Variants in APBA1 observed in about 807,000 individuals in gnomAD.
The protein encoded by APBA1 is amyloid beta precursor protein binding family A member 1.
APBA1 carries 55 observed loss-of-function variants against 86.6 expected under a neutral mutation model. The observed-to-expected ratio is 0.64, with a 90% CI of 0.51 to 0.80. APBA1 has a LOEUF of 0.80. Among genes scored for constraint, APBA1 ranks in the 30% least tolerant of loss-of-function variants. The pLI is 0.00. For synonymous variants in APBA1, 511 were observed against 493.9 expected (o/e 1.03, Z -0.46); for missense variants, 1,090 against 1,183.0 (o/e 0.92, Z 1.15).
chr9:69,488,884 C>T (rs1182655791), intron 2 of APBA1, among the ~76,000 whole-genome samples: 5 of 152,058 alleles, frequency 3.3e-5, no homozygotes, highest in Non-Finnish European at 5.9e-5. Flanking sequence ...TTCACAATTG[C>T]TTCAAAGAGA....
chr9:69,532,916 T>C (rs938076496), intron 1 of APBA1, among the ~76,000 whole-genome samples: 1 of 152,202 alleles, frequency 6.6e-6, no homozygotes, highest in Non-Finnish European at 1.5e-5. Context: ...ACGTATATAC[T>C]CATACTTCAT....
chr9:69,663,269 G>A (rs942378799), intron 1 of APBA1, among the ~76,000 whole-genome samples: 1 of 152,230 alleles, frequency 6.6e-6, no homozygotes, highest in Non-Finnish European at 1.5e-5. Context: ...GTGTGTATAT[G>A]TGTTTACACA....
chr9:69,485,425 G>GA (rs1219920745), intron 2 of APBA1, among the ~76,000 whole-genome samples: 2 of 152,088 alleles, frequency 1.3e-5, no homozygotes, highest in Admixed American at 6.5e-5. Context: ...GAAAAAAACA[G>GA]AAATTACATA....
At chr9:69,575,080 C>G (rs932852175) in intron 1 of APBA1, among the ~76,000 whole-genome samples, 1 of 152,010 alleles carries the variant, frequency 6.6e-6, no homozygotes, top group African/African-American at 2.4e-5. Context: ...CCTCTCCTGG[C>G]TAATTTTTGT....
At chr9:69,608,888 C>T (rs906561322) in intron 1 of APBA1, among the ~76,000 whole-genome samples, 1 of 152,258 alleles carries the variant, frequency 6.6e-6, no homozygotes, top group East Asian at 1.9e-4. Flanking sequence ...GTCTTGTTAG[C>T]TTTAATATTT....
chr9:69,491,082 T>G (rs1168100493), intron 2 of APBA1, among the ~76,000 whole-genome samples: 1 of 152,150 alleles, frequency 6.6e-6, no homozygotes, highest in African/African-American at 2.4e-5. Flanking sequence ...AAATACCATT[T>G]GACCCAGCCA....
intron 8 of APBA1, among the ~76,000 whole-genome samples, chr9:69,455,425 G>A (rs371841999): frequency 2.6e-5 from 4 of 152,128 alleles, no homozygotes; most frequent in African/African-American, 9.7e-5. Context: ...GAGCAGCTTA[G>A]TTCAGGCTGC....
chr9:69,553,271 G>A (rs779418561), intron 1 of APBA1, among the ~76,000 whole-genome samples: 1 of 152,146 alleles, frequency 6.6e-6, no homozygotes, highest in Non-Finnish European at 1.5e-5. Flanking sequence ...TTTGATGAAT[G>A]TGTGTATGTG....
chr9:69,570,671 C>A (rs1054608621), intron 1 of APBA1, among the ~76,000 whole-genome samples: 2 of 152,090 alleles, frequency 1.3e-5, no homozygotes, highest in African/African-American at 2.4e-5. Context: ...GAGAGAATAG[C>A]CCCCTTTGTC....
At position 69,441,002 on chromosome 9, in the gene APBA1, A is replaced by G. The variant is rs778495671; in HGVS notation, c.2295T>C (p.Asn765=). ...TGGAAGGTGTTCTACTTACAATTCCATTCTGGACGCTGAAACCGAGCTGGT... is the reference window on the plus strand; with the variant it reads ...TGGAAGGTGTTCTACTTACAATTCCGTTCTGGACGCTGAAACCGAGCTGGT... The part of the protein sequence containing the change: ...LRYQLGFSVQ[N]GIICSLMRGG... The change falls in exon 11 of 13, where the codon AAT becomes AAC. Residue 765 remains asparagine, a synonymous_variant. Transcript: ENST00000265381. 1 of 1,613,776 alleles carries G rather than the reference A, an allele frequency of 6.2e-7. No individual in the cohort carries two copies. Among genetic ancestry groups the G allele is most frequent in the African/African-American group, 1.3e-5 (1 of 75,024 alleles).
intron 1 of APBA1, among the ~76,000 whole-genome samples, chr9:69,663,876 C>T (rs1823799078): frequency 1.3e-5 from 2 of 152,074 alleles, no homozygotes; most frequent in East Asian, 3.8e-4. Context: ...GAGAAAGTTG[C>T]CTTATGTATA....
chr9:69,562,372 T>C (rs535259041), intron 1 of APBA1, among the ~76,000 whole-genome samples: 4 of 149,812 alleles, frequency 2.7e-5, no homozygotes, highest in African/African-American at 1.0e-4. Context: ...TTTTCTTTCT[T>C]TTCTTTTCTT....
chr9:69,567,941 G>C lies in APBA1; in HGVS notation c.-69-50662C>G, dbSNP rs564183633. On this transcript the variant is annotated intron_variant, in intron 1 of 12. Transcript: ENST00000265381. ...AAATGATGAAAACTCTTGGGCTTGT[G>C]TTGAGAATCCCAGGAATGTTCCAGA... Among the ~76,000 whole-genome samples, 11 of 152,276 alleles carry C rather than the reference G, an allele frequency of 7.2e-5. No homozygotes were observed. The South Asian group carries it at 1.7e-3, about 23-fold the overall frequency.
At chr9:69,548,551 C>T (rs1418446027) in intron 1 of APBA1, among the ~76,000 whole-genome samples, 1 of 152,230 alleles carries the variant, frequency 6.6e-6, no homozygotes, top group Admixed American at 6.5e-5. Context: ...GAAATGTCTC[C>T]TTACCTGCAC....
At chr9:69,636,417 A>T (rs546141273) in intron 1 of APBA1, among the ~76,000 whole-genome samples, 4 of 152,326 alleles carry the variant, frequency 2.6e-5, no homozygotes, top group South Asian at 4.1e-4. Flanking sequence ...CAAAAAGGAA[A>T]TTGGCATATC....
chr9:69,628,581 T>C (rs142512974), intron 1 of APBA1, among the ~76,000 whole-genome samples: 58 of 152,306 alleles, frequency 3.8e-4, no homozygotes, highest in Middle Eastern at 3.4e-3. Flanking sequence ...CTGAGTGCCA[T>C]GGCAACCATT....
intron 4 of APBA1, among the ~76,000 whole-genome samples, chr9:69,468,870 C>CT (rs5898082): frequency 0.54 from 79,498 of 147,180 alleles, 22,439 homozygotes; most frequent in African/African-American, 0.73. Context: ...TATTTTCTTT[C>CT]TTTTTTTTTT....
chr9:69,658,278 T>TTC (rs1491037095), intron 1 of APBA1, among the ~76,000 whole-genome samples: 1 of 65,558 alleles, frequency 1.5e-5, no homozygotes, highest in Non-Finnish European at 3.0e-5. Flanking sequence ...CTTTCTTTCT[T>TTC]TCTTTCTCTC....
chr9:69,658,218 TTC>T lies in APBA1; in HGVS notation c.-70+13933_-70+13934del, dbSNP rs1332371240. The stretch of plus-strand genomic sequence containing the variant: ...GACAATGTTGTCCTACTCAAGTCCT[TTC>T]TCTCTTTCTTTCTTTCTTTCTTTCT... On this transcript the variant is annotated intron_variant, in intron 1 of 12. Transcript: ENST00000265381. 2.4e-3 allele frequency among the ~76,000 whole-genome samples: 358 copies of T among 149,408 alleles called. 2 individuals carry two copies. The highest frequency in any genetic ancestry group is 8.0e-3 in the African/African-American group (317 of 39,712).
Sources: gnomAD v4.1 joint callset for allele counts (sites outside exome capture counted in the v4.1 genomes callset) on GRCh38, gnomAD v4.1.1 for gene constraint, MANE v1.5 for transcripts, NCBI Gene and HGNC (gene_info 2026-07-23, HGNC 2026-07-21) for gene names.